The following MAN1C1 variants were observed in gnomAD, a reference collection of about 807,000 sequenced individuals.
MAN1C1 encodes the protein mannosyl-oligosaccharide 1,2-alpha-mannosidase IC.
In MAN1C1, 49 loss-of-function variants were observed where a neutral mutation model predicts 71.5. That is an observed-to-expected ratio of 0.69 (90% CI 0.54 to 0.87). The LOEUF is 0.87. MAN1C1 is among the 40% of genes least tolerant of loss of function. The probability of loss-of-function intolerance (pLI) is 0.00; values close to 1 mark genes in which losing one functional copy is unlikely to be tolerated. For missense variants in MAN1C1, 743 were observed against 835.0 expected, an observed-to-expected ratio of 0.89 and a Z score of 1.36; for synonymous variants, 352 against 343.7, an observed-to-expected ratio of 1.02 and a Z score of -0.27.
chr1:25,780,686 T>C (rs529689532), intron 9 of MAN1C1: 9 of 423,474 alleles, frequency 2.1e-5, no homozygotes, highest in Non-Finnish European at 3.9e-5. Context: ...AGTAGCTCAT[T>C]TGGACTCTCA....
chr1:25,712,477 C>A (rs543266672), intron 2 of MAN1C1, among the ~76,000 whole-genome samples: 22 of 152,234 alleles, frequency 1.4e-4, no homozygotes, highest in Middle Eastern at 3.4e-3. Context: ...TAATCTGGGG[C>A]GGCTTCCTGG....
chr1:25,762,362 A>G (rs1279448449), intron 6 of MAN1C1, among the ~76,000 whole-genome samples: 2 of 151,922 alleles, frequency 1.3e-5, no homozygotes, highest in Non-Finnish European at 2.9e-5. Context: ...GGCTCAAACA[A>G]TCTGCCCAAC....
At chr1:25,759,029 A>C (rs545877926) in intron 6 of MAN1C1, 2 of 280,812 alleles carry the variant, frequency 7.1e-6, no homozygotes, top group East Asian at 6.9e-5. Flanking sequence ...AGAAAGTGCA[A>C]CTGAAATCTA....
chr1:25,638,327 C>T (rs1327458777), intron 1 of MAN1C1, among the ~76,000 whole-genome samples: 4 of 152,150 alleles, frequency 2.6e-5, no homozygotes, highest in African/African-American at 9.7e-5. Context: ...TTCTCCCAGT[C>T]TTCATTCTGT....
chr1:25,704,972 C>G lies in MAN1C1; in HGVS notation c.637+18436C>G, dbSNP rs1313555022. Reference sequence around the variant, plus strand: ...CCTTAAAATGCGTGGGATTTTCCCTCTTGTTAAGGCTGCAGTCTTCATGCC... The same window carrying G: ...CCTTAAAATGCGTGGGATTTTCCCTGTTGTTAAGGCTGCAGTCTTCATGCC... On this transcript the variant is annotated intron_variant, in intron 2 of 11. Coordinates refer to ENST00000374332, the MANE Select transcript of MAN1C1 (RefSeq NM_020379.4). 2.0e-5 allele frequency among the ~76,000 whole-genome samples: 3 copies of G among 152,226 alleles called. No homozygotes were observed. The East Asian group carries it at 5.8e-4, about 29-fold the overall frequency.
In MAN1C1 at chr1:25,730,541, G is replaced by A. The variant is rs2046894771; in HGVS notation, c.638-16127G>A. On this transcript the variant is annotated intron_variant, in intron 2 of 11. Coordinates refer to ENST00000374332, the MANE Select transcript of MAN1C1 (RefSeq NM_020379.4). The surrounding 1 kb of genome is among the most constrained non-coding windows in gnomAD (Gnocchi z 4.3). The stretch of plus-strand genomic sequence containing the variant: ...GAACTGCTCTCGCCAGGAAAGCCTT[G>A]AAATGCTCCTGGGCTTCGATCTTTA... Among the ~76,000 whole-genome samples the A allele has an allele frequency of 6.6e-6, 1 of 152,164 alleles. No homozygotes were observed. The highest frequency in any genetic ancestry group is 6.5e-5 in the Admixed American group (1 of 15,282).
chr1:25,628,496 C>T (rs1013975112), intron 1 of MAN1C1, among the ~76,000 whole-genome samples: 4 of 152,048 alleles, frequency 2.6e-5, no homozygotes, highest in Admixed American at 1.3e-4. Flanking sequence ...TTAATAGAGA[C>T]GGGATTTCAC....
At chr1:25,682,069 T>A (rs1448220172) in intron 1 of MAN1C1, among the ~76,000 whole-genome samples, 1 of 152,202 alleles carries the variant, frequency 6.6e-6, no homozygotes, top group Non-Finnish European at 1.5e-5. Flanking sequence ...TCGGGGGTTG[T>A]ACGGATTGCT....
intron 8 of MAN1C1, 132 bp downstream of exon 8, chr1:25,771,904 T>C: frequency 3.0e-6 from 2 of 670,238 alleles, no homozygotes; most frequent in Non-Finnish European, 2.6e-6. Flanking sequence ...AATGAACCGG[T>C]GAGAAGATTG....
intron 1 of MAN1C1, among the ~76,000 whole-genome samples, chr1:25,657,155 A>G (rs1324341932): frequency 6.6e-6 from 1 of 152,160 alleles, no homozygotes. Context: ...AGCAGGGGAA[A>G]GGTCTCCTGC....
chr1:25,632,864 G>T (rs968565913), intron 1 of MAN1C1, among the ~76,000 whole-genome samples: 11 of 127,868 alleles, frequency 8.6e-5, no homozygotes, highest in Admixed American at 5.0e-4. Flanking sequence ...ATACAATTTT[G>T]ATTTTTTTTT....
chr1:25,651,686 C>T (rs1029829098), intron 1 of MAN1C1, among the ~76,000 whole-genome samples: 1 of 152,196 alleles, frequency 6.6e-6, no homozygotes, highest in South Asian at 2.1e-4. Flanking sequence ...TGTAACCACA[C>T]GCGGGTCTTT....
rs1180002303 is a variant in MAN1C1 at position 25,753,110 on chromosome 1, C to A, written c.835-374C>A. On this transcript the variant is annotated intron_variant, in intron 4 of 11. Transcript: ENST00000374332. This position sits in a 1 kb window ranked among gnomAD's most constrained non-coding sequence, Gnocchi z 4.9. ...CATCTGGACTTGGAGGTGCCCCCCA[C>A]CCCCCGCACCTCACTGCTTTCTCCC... Among the ~76,000 whole-genome samples the A allele has an allele frequency of 6.6e-6, 1 of 152,024 alleles. No individual in the cohort carries two copies. Among genetic ancestry groups the A allele is most frequent in the Non-Finnish European group, 1.5e-5 (1 of 68,000 alleles).
intron 6 of MAN1C1, among the ~76,000 whole-genome samples, chr1:25,762,108 C>CTTTCT (rs148324488): frequency 8.9e-5 from 11 of 123,476 alleles, no homozygotes; most frequent in African/African-American, 3.4e-4. Flanking sequence ...ACCACATTTT[C>CTTTCT]TTTCTTTTCT....
chr1:25,754,049 G>A (rs1430359853), intron 5 of MAN1C1, among the ~76,000 whole-genome samples: 1 of 152,124 alleles, frequency 6.6e-6, no homozygotes, highest in East Asian at 1.9e-4. Context: ...GAAGCTGCTA[G>A]GAGATCTCAG....
intron 1 of MAN1C1, among the ~76,000 whole-genome samples, chr1:25,672,309 T>C (rs1014218160): frequency 4.6e-5 from 7 of 152,210 alleles, no homozygotes; most frequent in Admixed American, 2.6e-4. Context: ...CGGGCCTTCC[T>C]AACTCAACCC....
rs540499359 is a variant in MAN1C1, at chr1:25,692,644, C to T, written c.637+6108C>T. On this transcript the variant is annotated intron_variant, in intron 2 of 11. Transcript: ENST00000374332. ...ACTTGCAAAGTCTTAATCCCAGTTC[C>T]GCTGGACTTCAAAACCCAAGCCATA... Among the ~76,000 whole-genome samples the T allele has an allele frequency of 7.2e-5, 11 of 152,294 alleles. 1 individual carries two copies. In the South Asian group the frequency reaches 1.7e-3, roughly 23 times the overall value.
chr1:25,703,335 G>A (rs563845498), intron 2 of MAN1C1, among the ~76,000 whole-genome samples: 20 of 152,348 alleles, frequency 1.3e-4, no homozygotes, highest in Admixed American at 2.0e-4. Context: ...GCCCTGAGGC[G>A]TGAGTGGAGC....
At chr1:25,685,639 A>G (rs180785728) in intron 1 of MAN1C1, among the ~76,000 whole-genome samples, 11 of 152,334 alleles carry the variant, frequency 7.2e-5, no homozygotes, top group Non-Finnish European at 1.6e-4. Context: ...GTAAGAACTC[A>G]TGCATACTCT....
Sources: gnomAD v4.1 joint callset for allele counts (sites outside exome capture counted in the v4.1 genomes callset) on GRCh38, gnomAD v4.1.1 for gene constraint, Gnocchi (gnomAD v3.1) non-coding constraint, MANE v1.5 for transcripts, NCBI Gene and HGNC (gene_info 2026-07-23, HGNC 2026-07-21) for gene names.